Variants in GNG7 observed in about 807,000 individuals in gnomAD.
GNG7 encodes the protein G protein subunit gamma 7.
A neutral mutation model predicts 4.0 loss-of-function variants in GNG7; 1 was observed. That is an observed-to-expected ratio of 0.25 (90% CI 0.09 to 1.18). The LOEUF is 1.18. Among genes scored for constraint, GNG7 ranks in the 50% most tolerant of loss-of-function variants. The pLI is 0.50. For missense variants in GNG7, 86 were observed against 91.9 expected (o/e 0.94, Z 0.26); for synonymous variants, 34 against 36.9 (o/e 0.92, Z 0.29).
At chr19:2,553,528 C>T (rs1979412179) in intron 3 of GNG7, among the ~76,000 whole-genome samples, 1 of 148,332 alleles carries the variant, frequency 6.7e-6, no homozygotes, top group Admixed American at 6.8e-5. Flanking sequence ...GTACACATTA[C>T]ATGTAACATC....
chr19:2,567,355 TAG>T, intron 2 of GNG7, among the ~76,000 whole-genome samples: 1 of 24,234 alleles, frequency 4.1e-5, no homozygotes, highest in African/African-American at 3.3e-4. Context: ...GTGTGTGACA[TAG>T]GGTCTCACTC....
In GNG7 at chr19:2,691,144, G is replaced by A. The variant is rs150551036; in HGVS notation, c.-135+11502C>T. On this transcript the variant is annotated intron_variant, in intron 1 of 4. Coordinates refer to ENST00000382159, the MANE Select transcript of GNG7 (RefSeq NM_052847.3). ...TGTATGGGAACTTTCTGTTCTTACC[G>A]CTCGATTTTGCTGTAAACCTAAAAT... is the stretch of plus-strand genomic sequence containing the variant. 1.1e-4 allele frequency among the ~76,000 whole-genome samples: 17 copies of A among 152,186 alleles called. No homozygotes were observed. The East Asian group carries it at 1.9e-3, about 17-fold the overall frequency.
At chr19:2,542,825 T>G (rs1979006532) in intron 3 of GNG7, among the ~76,000 whole-genome samples, 1 of 151,296 alleles carries the variant, frequency 6.6e-6, no homozygotes, top group Non-Finnish European at 1.5e-5. Context: ...CATCTGCTGC[T>G]GCTAGGTGTT....
At chr19:2,562,015 CT>C (rs529596665) in intron 2 of GNG7, among the ~76,000 whole-genome samples, 5 of 152,200 alleles carry the variant, frequency 3.3e-5, no homozygotes, top group Admixed American at 2.0e-4. Context: ...GCTTCGCAGG[CT>C]CTTCTGGGAG....
At chr19:2,624,423 C>T (rs1981959870) in intron 2 of GNG7, among the ~76,000 whole-genome samples, 1 of 150,844 alleles carries the variant, frequency 6.6e-6, no homozygotes, top group Admixed American at 6.6e-5. Flanking sequence ...CCCAGCTACT[C>T]CGGAGGCTGA....
chr19:2,524,169 G>A (rs951286194), intron 3 of GNG7, among the ~76,000 whole-genome samples: 5 of 151,592 alleles, frequency 3.3e-5, no homozygotes, highest in African/African-American at 1.2e-4. Context: ...CCCAGACCCT[G>A]GGCCCCTGCT....
rs1981579258 is a variant in GNG7, at chr19:2,611,914, A to G, written c.-78+34310T>C. 6.6e-6 allele frequency: 1 copy of G among 151,958 alleles called. No individual in the cohort carries two copies. Among genetic ancestry groups the G allele is most frequent in the African/African-American group, 2.4e-5 (1 of 41,390 alleles). The allele number at this position is 151,958 out of a possible 1,614,324, so 9.4% of individuals were successfully genotyped here. The stretch of plus-strand genomic sequence containing the variant: ...TTTTGAGATGGAGTCTCGCTCTGTC[A>G]CCAGGCTGAAGTGCAGTAGTGTGAT... On this transcript the variant is annotated intron_variant, in intron 2 of 4. Transcript: ENST00000382159. This position sits in a 1 kb window ranked among gnomAD's most constrained non-coding sequence, Gnocchi z 6.0.
Position 2,546,929 on chromosome 19 carries a change from C to T in GNG7, c.-38+8220G>A, listed in dbSNP as rs1979147146. Among the ~76,000 whole-genome samples the T allele has an allele frequency of 6.6e-6, 1 of 152,082 alleles. No individual in the cohort carries two copies. Among genetic ancestry groups the T allele is most frequent in the Non-Finnish European group, 1.5e-5 (1 of 68,012 alleles). On this transcript the variant is annotated intron_variant, in intron 3 of 4. Transcript: ENST00000382159. The surrounding 1 kb of genome is among the most constrained non-coding windows in gnomAD (Gnocchi z 6.3). ...GGCTTCCCGGCTGAGGAAATGCTGT[C>T]ACCCTGGCCCCGGGCCAGGGCAAGG...
At chr19:2,682,155 C>T (rs1260493593) in intron 1 of GNG7, among the ~76,000 whole-genome samples, 2 of 151,630 alleles carry the variant, frequency 1.3e-5, no homozygotes, top group East Asian at 2.0e-4. Flanking sequence ...GTGATCCACC[C>T]ACCTTGGCCT....
chr19:2,523,425 C>G (rs1216260488), intron 3 of GNG7, among the ~76,000 whole-genome samples: 1 of 151,884 alleles, frequency 6.6e-6, no homozygotes, highest in Non-Finnish European at 1.5e-5. Context: ...GGGTAGCGCA[C>G]TCCTGTGGTC....
intron 3 of GNG7, among the ~76,000 whole-genome samples, chr19:2,545,281 G>A (rs1172165498): frequency 1.3e-5 from 2 of 152,158 alleles, no homozygotes; most frequent in African/African-American, 4.8e-5. Flanking sequence ...GCCCAGGACA[G>A]GCCCACCTCA....
At chr19:2,642,404 T>C (rs1982532228) in intron 2 of GNG7, 3 of 272,740 alleles carry the variant, frequency 1.1e-5, no homozygotes, top group South Asian at 8.0e-5. Context: ...CTGGCTCTGT[T>C]GCCCAGGTTG....
intron 2 of GNG7, among the ~76,000 whole-genome samples, chr19:2,567,928 C>T (rs897385468): frequency 5.3e-5 from 8 of 152,130 alleles, no homozygotes; most frequent in African/African-American, 1.9e-4. Flanking sequence ...CGTTGCCATT[C>T]AGCAGGAACT....
intron 3 of GNG7, among the ~76,000 whole-genome samples, chr19:2,541,017 C>G (rs550735271): frequency 1.3e-5 from 2 of 152,226 alleles, no homozygotes; most frequent in Non-Finnish European, 2.9e-5. Flanking sequence ...GGGCGGCCTG[C>G]GTAAAAGGAC....
intron 2 of GNG7, among the ~76,000 whole-genome samples, chr19:2,568,326 T>TATACACACATGCAC (rs1318899095): frequency 1.3e-3 from 180 of 140,682 alleles, no homozygotes; most frequent in African/African-American, 4.8e-3. Context: ...CACACACACA[T>TATACACACATGCAC]ATACACACAT....
At position 2,602,384 on chromosome 19, in the gene GNG7, G is replaced by A. The variant is rs147158155; in HGVS notation, c.-78+43840C>T. ...CACTGAGGACTGGGCTGCGGGCTGCGTCCTCTGCAGGCCCTGGCTCCCCTG... is the reference window on the plus strand; with the variant it reads ...CACTGAGGACTGGGCTGCGGGCTGCATCCTCTGCAGGCCCTGGCTCCCCTG... On this transcript the variant is annotated intron_variant, in intron 2 of 4. Coordinates refer to ENST00000382159, the MANE Select transcript of GNG7 (RefSeq NM_052847.3). Among the ~76,000 whole-genome samples, 749 of 152,270 alleles carry A rather than the reference G, an allele frequency of 4.9e-3. 28 individuals carry two copies. The highest frequency in any genetic ancestry group is 1.4e-3 in the Non-Finnish European group (93 of 68,022).
intron 2 of GNG7, among the ~76,000 whole-genome samples, chr19:2,620,337 C>T (rs1981836217): frequency 6.6e-6 from 1 of 151,622 alleles, no homozygotes; most frequent in Non-Finnish European, 1.5e-5. Flanking sequence ...GTCCCGACCC[C>T]TCTCTCTGCA....
At chr19:2,520,791 C>T (rs544117198) in intron 3 of GNG7, 66 bp from the exon 4 acceptor site, 1 of 730,562 alleles carries the variant, frequency 1.4e-6, no homozygotes, top group South Asian at 1.6e-5. Flanking sequence ...AGCAGGGGCG[C>T]CCGGCCTTGG....
chr19:2,593,985 T>G (rs1254711982), intron 2 of GNG7, among the ~76,000 whole-genome samples: 1 of 150,724 alleles, frequency 6.6e-6, no homozygotes, highest in Non-Finnish European at 1.5e-5. Context: ...AAATCTGGAT[T>G]AAATACTATA....
Sources: gnomAD v4.1 joint callset for allele counts (sites outside exome capture counted in the v4.1 genomes callset) on GRCh38, gnomAD v4.1.1 for gene constraint, Gnocchi (gnomAD v3.1) non-coding constraint, MANE v1.5 for transcripts, NCBI Gene and HGNC (gene_info 2026-07-23, HGNC 2026-07-21) for gene names.